ABCA13: variants seen among roughly 807,000 people sequenced by gnomAD.
ABCA13 encodes the protein ATP binding cassette subfamily A member 13, also known as ATP-binding cassette sub-family A member 13.
A neutral mutation model predicts 478.7 loss-of-function variants in ABCA13; 476 were observed. The observed-to-expected ratio is 0.99, with a 90% CI of 0.92 to 1.07. The LOEUF (loss-of-function observed/expected upper bound fraction) is 1.07, where lower values mean the gene tolerates loss of function less well. ABCA13 is among the 50% of genes least tolerant of loss of function. The pLI is 0.00. For synonymous variants in ABCA13, 2,252 were observed against 2,158.9 expected, an observed-to-expected ratio of 1.04 and a Z score of -1.20; for missense variants, 6,060 against 5,910.6, an observed-to-expected ratio of 1.03 and a Z score of -0.83.
At chr7:48,486,426 T>A (rs540491546) in intron 47 of ABCA13, among the ~76,000 whole-genome samples, 1 of 152,238 alleles carries the variant, frequency 6.6e-6, no homozygotes. Context: ...GTTTTCACAC[T>A]GTAATATGCG....
chr7:48,564,471 A>G (rs574050922), intron 55 of ABCA13, among the ~76,000 whole-genome samples: 1 of 152,022 alleles, frequency 6.6e-6, no homozygotes, highest in African/African-American at 2.4e-5. Context: ...ATTTTGACAC[A>G]TAATATGGTA....
rs560390162 is a variant in ABCA13, at chr7:48,186,823, C to A, written c.70-6136C>A. ...ATTCTTTTAGCAGGAATGCCCCTGTCGTTTCTAGTCAGCATACTACTGAAA... is the reference window on the plus strand; with the variant it reads ...ATTCTTTTAGCAGGAATGCCCCTGTAGTTTCTAGTCAGCATACTACTGAAA... On this transcript the variant is annotated intron_variant, in intron 1 of 61. Transcript: ENST00000435803. Among the ~76,000 whole-genome samples the A allele has an allele frequency of 1.0e-3, 155 of 152,028 alleles. 3 individuals carry two copies. In the South Asian group the frequency reaches 0.031, roughly 30 times the overall value.
chr7:48,578,740 GC>G (rs1788422063), intron 55 of ABCA13, among the ~76,000 whole-genome samples: 1 of 152,106 alleles, frequency 6.6e-6, no homozygotes, highest in Non-Finnish European at 1.5e-5. Context: ...TCCATGATAG[GC>G]AACACAGTAT....
intron 15 of ABCA13, among the ~76,000 whole-genome samples, chr7:48,252,374 A>G (rs1283568527): frequency 2.6e-5 from 4 of 152,202 alleles, no homozygotes; most frequent in African/African-American, 9.6e-5. Context: ...ATGCGTTCTG[A>G]GAAATGCATT....
intron 59 of ABCA13, among the ~76,000 whole-genome samples, chr7:48,637,380 G>GCAAAAAAAA (rs1794730720): frequency 1.5e-4 from 1 of 6,572 alleles, no homozygotes; most frequent in Non-Finnish European, 2.8e-4. Context: ...TGTTCATAAA[G>GCAAAAAAAA]CAAAAAAAAA....
intron 19 of ABCA13, among the ~76,000 whole-genome samples, chr7:48,284,731 T>G (rs1261022977): frequency 2.0e-5 from 3 of 152,236 alleles, no homozygotes; most frequent in African/African-American, 4.8e-5. Context: ...TTTTAATTTT[T>G]ATATTTTATT....
At chr7:48,344,981 C>CT (rs1807837320) in intron 29 of ABCA13, among the ~76,000 whole-genome samples, 1 of 152,282 alleles carries the variant, frequency 6.6e-6, no homozygotes, top group African/African-American at 2.4e-5. Context: ...TGTGGAGCTG[C>CT]TTTTCTAAGT....
chr7:48,534,988 CT>C (rs1833473303), intron 55 of ABCA13, among the ~76,000 whole-genome samples: 1 of 152,060 alleles, frequency 6.6e-6, no homozygotes. Flanking sequence ...AATAATTGAC[CT>C]TCTAAATTAT....
At chr7:48,300,583 T>C (rs1301525380) in intron 23 of ABCA13, among the ~76,000 whole-genome samples, 1 of 152,022 alleles carries the variant, frequency 6.6e-6, no homozygotes, top group Non-Finnish European at 1.5e-5. Flanking sequence ...TATATGAGAG[T>C]CACAGAGCTG....
At chr7:48,632,815 G>T (rs911206417) in intron 59 of ABCA13, among the ~76,000 whole-genome samples, 1 of 152,128 alleles carries the variant, frequency 6.6e-6, no homozygotes, top group African/African-American at 2.4e-5. Context: ...GGGTGGATAG[G>T]ATTTTCAAAT....
intron 1 of ABCA13, among the ~76,000 whole-genome samples, chr7:48,179,172 AAAC>A (rs1795302099): frequency 6.6e-6 from 1 of 152,132 alleles, no homozygotes; most frequent in Admixed American, 6.5e-5. Flanking sequence ...TAAAAACAAC[AAAC>A]AACAACAAAA....
intron 42 of ABCA13, among the ~76,000 whole-genome samples, chr7:48,435,476 C>G (rs1219937294): frequency 6.6e-6 from 1 of 151,774 alleles, no homozygotes; most frequent in Non-Finnish European, 1.5e-5. Flanking sequence ...GATAATTTTA[C>G]TTCATCCTTT....
chr7:48,342,857 T>C (rs1807451761), intron 29 of ABCA13, among the ~76,000 whole-genome samples: 1 of 152,198 alleles, frequency 6.6e-6, no homozygotes, highest in African/African-American at 2.4e-5. Context: ...AATCTGCTAT[T>C]AAACATACCA....
intron 1 of ABCA13, among the ~76,000 whole-genome samples, chr7:48,171,944 A>G (rs1380864870): frequency 6.6e-6 from 1 of 152,158 alleles, no homozygotes; most frequent in African/African-American, 2.4e-5. Flanking sequence ...ACAGGTACTG[A>G]CTCCGAAGCA....
chr7:48,272,391 G>T lies in ABCA13; in HGVS notation c.2725G>T (p.Glu909Ter). 1 of 1,613,704 alleles carries T rather than the reference G, an allele frequency of 6.2e-7. No homozygotes were observed. The highest frequency in any genetic ancestry group is 1.1e-5 in the South Asian group (1 of 91,064). ...ITSLHEFGFLEQEQISEALNT... is the reference protein window; with the variant it reads ...ITSLHEFGFL ...TAGTCTCCATGAATTTGGATTTTTGGAGCAGGAACAGATCTCAGAAGCTCT... is the reference window on the plus strand; with the variant it reads ...TAGTCTCCATGAATTTGGATTTTTGTAGCAGGAACAGATCTCAGAAGCTCT... The change falls in exon 17 of 62, where the codon GAG becomes TAG. Residue 909 changes from glutamate (E) to a stop codon, truncating the protein, a stop_gained. Transcript: ENST00000435803. LOFTEE classifies it high-confidence loss of function.
chr7:48,248,386 C>G lies in ABCA13; in HGVS notation c.1807C>G (p.Pro603Ala). The change falls in exon 14 of 62, where the codon CCC (proline) becomes GCC (alanine). Residue 603 changes from proline to alanine, a missense_variant. By Grantham distance (27) the Pro-to-Ala change is conservative. Coordinates refer to ENST00000435803, the MANE Select transcript of ABCA13 (RefSeq NM_152701.5). The part of the protein sequence containing the change: ...TRLFLLLGAD[P>A]SPENDVFSSD... ...GCTCTTCCTGCTGCTGGGAGCTGATCCCTCTCCTGAGAATGATGTCTTTTC... is the reference window on the plus strand; with the variant it reads ...GCTCTTCCTGCTGCTGGGAGCTGATGCCTCTCCTGAGAATGATGTCTTTTC... 2 of 1,613,532 alleles carry G rather than the reference C, an allele frequency of 1.2e-6. No individual in the cohort carries two copies. The highest frequency in any genetic ancestry group is 1.1e-5 in the South Asian group (1 of 91,008).
At chr7:48,359,694 C>T (rs898576557) in intron 31 of ABCA13, among the ~76,000 whole-genome samples, 1 of 151,914 alleles carries the variant, frequency 6.6e-6, no homozygotes, top group Admixed American at 6.6e-5. Flanking sequence ...TGGAAATTTG[C>T]CTCCTCCCTG....
intron 37 of ABCA13, 23 bp from the exon 38 acceptor site, chr7:48,391,898 T>C (rs1323081716): frequency 1.9e-6 from 3 of 1,608,026 alleles, no homozygotes; most frequent in African/African-American, 1.3e-5. Context: ...GTATTCTCCA[T>C]GCTGTCTTAT....
intron 55 of ABCA13, among the ~76,000 whole-genome samples, chr7:48,540,843 G>T (rs775583622): frequency 2.6e-5 from 4 of 151,942 alleles, no homozygotes; most frequent in Non-Finnish European, 4.4e-5. Flanking sequence ...GTTGTCTCAG[G>T]CCAGAAATCA....
Sources: allele counts gnomAD v4.1 joint callset (sites outside exome capture counted in the v4.1 genomes callset), GRCh38; gene constraint gnomAD v4.1.1; transcripts MANE v1.5; gene names NCBI Gene and HGNC (gene_info 2026-07-23, HGNC 2026-07-21).